The following TUSC3 variants were observed in gnomAD, a reference collection of about 807,000 sequenced individuals.
The protein encoded by TUSC3 is dolichyl-diphosphooligosaccharide--protein glycosyltransferase subunit TUSC3.
TUSC3 carries 45 observed loss-of-function variants against 44.8 expected under a neutral mutation model. The ratio of observed to expected loss-of-function variants is 1.00; its 90% CI spans 0.79 to 1.29. TUSC3 has a LOEUF of 1.29. Among genes scored for constraint, TUSC3 ranks in the 50% most tolerant of loss-of-function variants. The pLI is 0.00. For missense variants in TUSC3, 519 were observed against 437.9 expected, an observed-to-expected ratio of 1.19 and a Z score of -1.65; for synonymous variants, 212 against 152.9, an observed-to-expected ratio of 1.39 and a Z score of -2.85.
chr8:15,504,248 A>G (rs1801014371), intron 2 of TUSC3, among the ~76,000 whole-genome samples: 1 of 152,020 alleles, frequency 6.6e-6, no homozygotes, highest in African/African-American at 2.4e-5. Context: ...TTCCTCAGTT[A>G]CAAAATAAAG....
chr8:15,708,054 T>C lies in TUSC3; in HGVS notation c.799-22612T>C, dbSNP rs553520216. ...CTCTTATAAAGTTATAAAGATACTC[T>C]CATTGGATTTTGGGCCCTCCTAAAT... On this transcript the variant is annotated intron_variant, in intron 6 of 10. Transcript: ENST00000503731. 1.7e-3 allele frequency among the ~76,000 whole-genome samples: 256 copies of C among 152,074 alleles called. 6 individuals are homozygous for C. In the South Asian group the frequency reaches 0.053, roughly 31 times the overall value.
At chr8:15,458,488 C>T (rs1308593124) in intron 1 of TUSC3, among the ~76,000 whole-genome samples, 1 of 152,172 alleles carries the variant, frequency 6.6e-6, no homozygotes, top group African/African-American at 2.4e-5. Context: ...ATCCACCCAC[C>T]TCGGCCTCCC....
At chr8:15,563,206 A>G (rs1295297621) in intron 1 of TUSC3, among the ~76,000 whole-genome samples, 1 of 152,170 alleles carries the variant, frequency 6.6e-6, no homozygotes, top group East Asian at 1.9e-4. Flanking sequence ...TGATAACTTT[A>G]TCATCACTTC....
intron 1 of TUSC3, among the ~76,000 whole-genome samples, chr8:15,608,726 A>G (rs1044891677): frequency 1.6e-4 from 24 of 152,176 alleles, no homozygotes; most frequent in African/African-American, 5.3e-4. Flanking sequence ...GCCTGCCACC[A>G]TGTAAGATGT....
chr8:15,447,862 G>GT (rs913966599), intron 1 of TUSC3, among the ~76,000 whole-genome samples: 1 of 151,302 alleles, frequency 6.6e-6, no homozygotes, highest in Admixed American at 6.6e-5. Flanking sequence ...CTCCCTCATC[G>GT]TATTTATATA....
the TUSC3 span, among the ~76,000 whole-genome samples, chr8:15,834,116 C>G: frequency 0.11 from 15,980 of 152,064 alleles, 947 homozygotes; most frequent in East Asian, 0.26. Context: ...TCATTACTTT[C>G]TTTTTCACGT....
At chr8:15,829,206 C>G in the TUSC3 span, among the ~76,000 whole-genome samples, 1 of 152,036 alleles carries the variant, frequency 6.6e-6, no homozygotes, top group Non-Finnish European at 1.5e-5. Context: ...ACATTTGTTT[C>G]TAATCATTTG....
intron 1 of TUSC3, among the ~76,000 whole-genome samples, chr8:15,615,429 T>C (rs1220962317): frequency 6.6e-6 from 1 of 151,980 alleles, no homozygotes; most frequent in Non-Finnish European, 1.5e-5. Flanking sequence ...ATTGAGCTCA[T>C]AGAAGTAGAG....
rs145201449 is a variant in TUSC3 at position 15,652,105 on chromosome 8, A to G, written c.426+1291A>G. On this transcript the variant is annotated intron_variant, in intron 3 of 10. Transcript: ENST00000503731. ...TCATGCTGTTACCCTGCAGTTCATT[A>G]TTATTTTTTAAAATGTTTTTACTAT... Among the ~76,000 whole-genome samples the G allele has an allele frequency of 4.1e-3, 622 of 152,260 alleles. 4 individuals carry two copies. The highest frequency in any genetic ancestry group is 0.012 in the African/African-American group (505 of 41,556).
At chr8:15,489,446 C>G (rs1017785398) in intron 2 of TUSC3, among the ~76,000 whole-genome samples, 1 of 152,150 alleles carries the variant, frequency 6.6e-6, no homozygotes, top group African/African-American at 2.4e-5. Flanking sequence ...TTAGAAGTTG[C>G]TGGACTCTCA....
chr8:15,472,882 C>G (rs1800512876), intron 1 of TUSC3, among the ~76,000 whole-genome samples: 1 of 152,114 alleles, frequency 6.6e-6, no homozygotes, highest in Non-Finnish European at 1.5e-5. Context: ...ACTGACTGAT[C>G]ATCTCCACAG....
intron 5 of TUSC3, among the ~76,000 whole-genome samples, chr8:15,667,883 A>G (rs1365768537): frequency 6.6e-6 from 1 of 151,756 alleles, no homozygotes; most frequent in Non-Finnish European, 1.5e-5. Context: ...GAACATCTTG[A>G]CCCTTTGGAA....
At chr8:15,740,680 GA>G (rs1378337658) in intron 7 of TUSC3, among the ~76,000 whole-genome samples, 12 of 152,184 alleles carry the variant, frequency 7.9e-5, no homozygotes, top group African/African-American at 2.9e-4. Context: ...TGAAATGTAA[GA>G]AAACTTGAAC....
chr8:15,806,828 C>A, the TUSC3 span: 2 of 911,722 alleles, frequency 2.2e-6, no homozygotes, highest in South Asian at 1.4e-5. Context: ...CTTTCCTGTT[C>A]CTACAAAGTA....
At chr8:15,623,807 C>T (rs111444594) in intron 2 of TUSC3, among the ~76,000 whole-genome samples, 3 of 152,092 alleles carry the variant, frequency 2.0e-5, no homozygotes, top group African/African-American at 4.8e-5. Context: ...ATTGTAGGTA[C>T]ACATCTTTTA....
intron 1 of TUSC3, among the ~76,000 whole-genome samples, chr8:15,606,072 C>T (rs767663597): frequency 7.2e-5 from 11 of 151,988 alleles, no homozygotes; most frequent in Admixed American, 2.0e-4. Flanking sequence ...CACCATGGGA[C>T]GCAAACAAAA....
At chr8:15,729,405 T>C (rs1223491247) in intron 6 of TUSC3, among the ~76,000 whole-genome samples, 1 of 152,138 alleles carries the variant, frequency 6.6e-6, no homozygotes, top group East Asian at 1.9e-4. Context: ...ACAAGTTAGG[T>C]AAATTTTTCT....
intron 1 of TUSC3, among the ~76,000 whole-genome samples, chr8:15,437,268 A>G (rs1010529621): frequency 1.1e-4 from 16 of 152,278 alleles, no homozygotes; most frequent in African/African-American, 3.6e-4. Flanking sequence ...CACATGTACC[A>G]TTTATTTCAT....
intron 6 of TUSC3, among the ~76,000 whole-genome samples, chr8:15,728,501 G>T (rs1810589619): frequency 6.6e-6 from 1 of 151,882 alleles, no homozygotes; most frequent in Non-Finnish European, 1.5e-5. Flanking sequence ...ATAAAGGCAA[G>T]GAAAAGAGTG....
Sources: allele counts gnomAD v4.1 joint callset (sites outside exome capture counted in the v4.1 genomes callset), GRCh38; gene constraint gnomAD v4.1.1; transcripts MANE v1.5; gene names NCBI Gene and HGNC (gene_info 2026-07-23, HGNC 2026-07-21).